Variants in GOLM2 observed in about 807,000 individuals in gnomAD.
GOLM2 encodes protein GOLM2.
Under a neutral mutation model 55.9 loss-of-function variants are expected in GOLM2, and 26 were observed. The ratio of observed to expected loss-of-function variants is 0.47; its 90% CI spans 0.34 to 0.65. GOLM2 has a LOEUF of 0.65. GOLM2 is among the 30% of genes least tolerant of loss of function. GOLM2 has a pLI of 0.01. For synonymous variants in GOLM2, 165 were observed against 194.6 expected (o/e 0.85, Z 1.27); for missense variants, 486 against 531.8 (o/e 0.91, Z 0.85).
intron 8 of GOLM2, among the ~76,000 whole-genome samples, chr15:44,386,879 AAAAT>A (rs1318628053): frequency 6.6e-6 from 1 of 151,726 alleles, no homozygotes; most frequent in African/African-American, 2.4e-5. Flanking sequence ...CTGAAAAAAT[AAAAT>A]TAAAAAATTG....
chr15:44,396,947 T>C (rs1384456950), intron 8 of GOLM2, among the ~76,000 whole-genome samples: 1 of 152,208 alleles, frequency 6.6e-6, no homozygotes, highest in Non-Finnish European at 1.5e-5. Flanking sequence ...TGAAGCTATA[T>C]TGTTGCTGAT....
At chr15:44,357,858 T>C (rs576410809) in intron 6 of GOLM2, among the ~76,000 whole-genome samples, 2 of 152,314 alleles carry the variant, frequency 1.3e-5, no homozygotes, top group East Asian at 3.9e-4. Context: ...GTGAAAGGTC[T>C]ATATAAGGAA....
chr15:44,363,082 T>C (rs1211676738), intron 6 of GOLM2, among the ~76,000 whole-genome samples: 1 of 152,012 alleles, frequency 6.6e-6, no homozygotes, highest in Admixed American at 6.6e-5. Flanking sequence ...CCTAAAACCA[T>C]AAAAACCCTA....
intron 6 of GOLM2, among the ~76,000 whole-genome samples, chr15:44,374,642 A>G (rs560225389): frequency 1.3e-5 from 2 of 152,174 alleles, no homozygotes; most frequent in African/African-American, 2.4e-5. Flanking sequence ...GGCGAAGGGG[A>G]AGCAAGCACA....
At chr15:44,404,042 T>C (rs1391015970) in intron 9 of GOLM2, among the ~76,000 whole-genome samples, 1 of 152,126 alleles carries the variant, frequency 6.6e-6, no homozygotes, top group East Asian at 1.9e-4. Flanking sequence ...CATATCAGAG[T>C]GTTTTACTCT....
rs751287486 is a variant in GOLM2, at chr15:44,414,751, T to C, written c.*1345T>C. The stretch of plus-strand genomic sequence containing the variant: ...CATTTTATTAAAATAGCTTAAAAGT[T>C]TGTAAAAAAATGAATCTTTGTAATT... On this transcript the variant is annotated 3_prime_UTR_variant, in exon 10 of 10. Coordinates refer to ENST00000299957, the MANE Select transcript of GOLM2 (RefSeq NM_138423.4). The C allele has an allele frequency of 6.6e-6, 1 of 152,634 alleles. No individual in the cohort carries two copies. The highest frequency in any genetic ancestry group is 6.5e-5 in the Admixed American group (1 of 15,280). The allele number at this position is 152,634 out of a possible 1,614,324, so 9.5% of individuals were successfully genotyped here.
At chr15:44,342,917 A>G (rs186238660) in intron 6 of GOLM2, among the ~76,000 whole-genome samples, 20 of 152,358 alleles carry the variant, frequency 1.3e-4, no homozygotes, top group African/African-American at 4.6e-4. Context: ...CAATTATGTG[A>G]CAATTTTTTG....
chr15:44,396,245 C>T (rs1352333073), intron 8 of GOLM2, among the ~76,000 whole-genome samples: 1 of 151,998 alleles, frequency 6.6e-6, no homozygotes, highest in Admixed American at 6.6e-5. Context: ...GTAATCCCAG[C>T]TACTGGAGAG....
intron 1 of GOLM2, among the ~76,000 whole-genome samples, chr15:44,303,732 A>ATTT (rs541563417): frequency 9.6e-4 from 126 of 130,786 alleles, no homozygotes; most frequent in East Asian, 5.7e-3. Flanking sequence ...CACCTGGCTA[A>ATTT]TTTTTTTTTT....
intron 6 of GOLM2, among the ~76,000 whole-genome samples, chr15:44,347,322 G>A (rs143374571): frequency 5.0e-4 from 76 of 152,320 alleles, no homozygotes; most frequent in African/African-American, 1.8e-3. Context: ...GGCATGGAAG[G>A]AGTAGGAAAG....
At chr15:44,341,015 G>A (rs570460399) in intron 6 of GOLM2, among the ~76,000 whole-genome samples, 1 of 148,624 alleles carries the variant, frequency 6.7e-6, no homozygotes, top group East Asian at 2.0e-4. Context: ...CCTGAAAAAT[G>A]TATTATTTGT....
intron 4 of GOLM2, among the ~76,000 whole-genome samples, chr15:44,336,780 G>C (rs565043048): frequency 6.6e-6 from 1 of 152,006 alleles, no homozygotes; most frequent in Non-Finnish European, 1.5e-5. Flanking sequence ...GCCGGGTGTG[G>C]TGGTGGGCAC....
rs1443036829 is a variant in GOLM2, at chr15:44,359,720, C to T, written c.803-19970C>T. 3.3e-5 allele frequency among the ~76,000 whole-genome samples: 5 copies of T among 152,208 alleles called. No individual in the cohort carries two copies. The East Asian group carries it at 7.7e-4, about 23-fold the overall frequency. On this transcript the variant is annotated intron_variant, in intron 6 of 9. Coordinates refer to ENST00000299957, the MANE Select transcript of GOLM2 (RefSeq NM_138423.4). ...CAGAGAATGCCACAAAGATACTCCT[C>T]GAGAAGAGCAACTCCAAGACACATA... is the stretch of plus-strand genomic sequence containing the variant.
chr15:44,357,283 T>C (rs891300993), intron 6 of GOLM2, among the ~76,000 whole-genome samples: 2 of 152,090 alleles, frequency 1.3e-5, no homozygotes, highest in African/African-American at 2.4e-5. Flanking sequence ...ATTCATCGTA[T>C]TAGCAGGCTA....
At chr15:44,395,415 G>C (rs971533456) in intron 8 of GOLM2, among the ~76,000 whole-genome samples, 1 of 151,622 alleles carries the variant, frequency 6.6e-6, no homozygotes, top group Non-Finnish European at 1.5e-5. Context: ...TTGACTTATA[G>C]TACAGAATTA....
chr15:44,383,675 C>CTTTTTTTTTTT (rs761209421), intron 8 of GOLM2, among the ~76,000 whole-genome samples: 2 of 125,902 alleles, frequency 1.6e-5, no homozygotes, highest in Non-Finnish European at 1.7e-5. Context: ...TTCTTTTTTT[C>CTTTTTTTTTTT]TTTTTTTTTT....
In GOLM2 at chr15:44,289,485, C is replaced by G. The variant is rs112516484; in HGVS notation, c.327+129C>G. 2.4e-3 allele frequency: 1,897 copies of G among 806,764 alleles called. 29 individuals are homozygous for G. In the African/African-American group the frequency reaches 0.029, roughly 12 times the overall value. The allele number at this position is 806,764 out of a possible 1,614,324, so 50.0% of individuals were successfully genotyped here. The stretch of plus-strand genomic sequence containing the variant: ...TCAGTCCTGAAGGCTCCTTTCACCC[C>G]CAACAACCCTGTTTCTGTCAGACTT... On this transcript the variant is annotated intron_variant, in intron 1 of 9. Coordinates refer to ENST00000299957, the MANE Select transcript of GOLM2 (RefSeq NM_138423.4). The surrounding 1 kb of genome is among the most constrained non-coding windows in gnomAD (Gnocchi z 4.8).
At chr15:44,312,700 C>A (rs917057893) in intron 1 of GOLM2, among the ~76,000 whole-genome samples, 1 of 152,174 alleles carries the variant, frequency 6.6e-6, no homozygotes, top group Non-Finnish European at 1.5e-5. Context: ...AATCCCAGCA[C>A]TTTGGGAGGC....
At chr15:44,325,714 G>T (rs1236457335) in intron 2 of GOLM2, among the ~76,000 whole-genome samples, 1 of 152,194 alleles carries the variant, frequency 6.6e-6, no homozygotes, top group Non-Finnish European at 1.5e-5. Flanking sequence ...GAACTAGCTA[G>T]TTTGATCCCT....
Sources: allele counts gnomAD v4.1 joint callset (sites outside exome capture counted in the v4.1 genomes callset), GRCh38; gene constraint gnomAD v4.1.1; non-coding constraint Gnocchi (gnomAD v3.1); transcripts MANE v1.5; gene names NCBI Gene and HGNC (gene_info 2026-07-23, HGNC 2026-07-21).